Variants in SYN3 observed in about 807,000 individuals in gnomAD.
The protein encoded by SYN3 is synapsin-3.
In SYN3, 35 loss-of-function variants were observed where a neutral mutation model predicts 65.8. The ratio of observed to expected loss-of-function variants is 0.53; its 90% CI spans 0.41 to 0.70. The LOEUF (loss-of-function observed/expected upper bound fraction) is 0.70. Ranked by LOEUF, SYN3 falls within the 30% of genes least tolerant of loss-of-function variation. The pLI is 0.00. For synonymous variants in SYN3, 270 were observed against 292.9 expected (o/e 0.92, Z 0.80); for missense variants, 680 against 749.0 (o/e 0.91, Z 1.08).
intron 6 of SYN3, among the ~76,000 whole-genome samples, chr22:32,694,113 CTCTT>C (rs926520626): frequency 2.6e-5 from 4 of 151,444 alleles, no homozygotes; most frequent in Non-Finnish European, 4.4e-5. Context: ...AATGTTTTCT[CTCTT>C]TCTAATGATT....
intron 12 of SYN3, among the ~76,000 whole-genome samples, chr22:32,520,394 C>T (rs528978887): frequency 6.6e-6 from 1 of 152,114 alleles, no homozygotes; most frequent in African/African-American, 2.4e-5. Flanking sequence ...ACCTTAGCCT[C>T]CCAAAGTGCT....
intron 7 of SYN3, among the ~76,000 whole-genome samples, chr22:32,559,951 G>T (rs1396519041): frequency 6.6e-6 from 1 of 152,240 alleles, no homozygotes; most frequent in Non-Finnish European, 1.5e-5. Context: ...CAAAATGGCG[G>T]AGTGTATGTA....
intron 7 of SYN3, among the ~76,000 whole-genome samples, chr22:32,592,903 C>T (rs186461803): frequency 6.6e-6 from 1 of 152,136 alleles, no homozygotes; most frequent in South Asian, 2.1e-4. Context: ...TATAAAAGAA[C>T]AAAGGAGTGA....
At chr22:32,970,670 A>G (rs1312879392) in intron 3 of SYN3, among the ~76,000 whole-genome samples, 5 of 152,208 alleles carry the variant, frequency 3.3e-5, no homozygotes, top group African/African-American at 1.2e-4. Flanking sequence ...ACTATGCAGG[A>G]ATAAGCCAGA....
chr22:32,717,331 G>A lies in SYN3; in HGVS notation c.712-120595C>T, dbSNP rs1039591161. 5.9e-5 allele frequency among the ~76,000 whole-genome samples: 9 copies of A among 152,316 alleles called. No homozygotes were observed. The South Asian group carries it at 1.2e-3, about 21-fold the overall frequency. On this transcript the variant is annotated intron_variant, in intron 6 of 13. Coordinates refer to ENST00000358763, the MANE Select transcript of SYN3 (RefSeq NM_003490.4). Reference sequence around the variant, plus strand: ...GGTCCCTTGAGTCTCCTGGGTAGATGAAGGCTGGAAGCCCTCAGTGTTTGG... The same window carrying A: ...GGTCCCTTGAGTCTCCTGGGTAGATAAAGGCTGGAAGCCCTCAGTGTTTGG...
chr22:32,573,919 G>A (rs572916232), intron 7 of SYN3, among the ~76,000 whole-genome samples: 13 of 150,528 alleles, frequency 8.6e-5, no homozygotes, highest in African/African-American at 2.9e-4. Flanking sequence ...ACGGGTGCCC[G>A]CTGCCACGCC....
At chr22:32,789,263 A>G (rs904208613) in intron 6 of SYN3, among the ~76,000 whole-genome samples, 4 of 152,182 alleles carry the variant, frequency 2.6e-5, no homozygotes, top group Admixed American at 1.3e-4. Flanking sequence ...CCAGGCCTAG[A>G]AAAAGCACTC....
intron 6 of SYN3, among the ~76,000 whole-genome samples, chr22:32,770,043 C>T (rs1358117716): frequency 6.6e-6 from 1 of 152,346 alleles, no homozygotes; most frequent in South Asian, 2.1e-4. Context: ...GCCCCCCTGA[C>T]TGTTCAATCT....
chr22:32,917,228 T>A (rs2050208451), intron 4 of SYN3, among the ~76,000 whole-genome samples: 1 of 152,034 alleles, frequency 6.6e-6, no homozygotes, highest in South Asian at 2.1e-4. Flanking sequence ...AAACGGGAAG[T>A]CAAGATTTGA....
chr22:32,878,897 T>C (rs2049051446), intron 4 of SYN3, among the ~76,000 whole-genome samples: 1 of 152,132 alleles, frequency 6.6e-6, no homozygotes, highest in African/African-American at 2.4e-5. Context: ...TATGGCCATG[T>C]GGGAATGAGG....
intron 7 of SYN3, among the ~76,000 whole-genome samples, chr22:32,572,354 CTTA>C (rs1336571153): frequency 0.051 from 4,184 of 81,592 alleles, 301 homozygotes; most frequent in African/African-American, 0.18. Context: ...CCTTCCTTCC[CTTA>C]CTTCCCTTCC....
At chr22:32,904,188 C>G in intron 4 of SYN3, among the ~76,000 whole-genome samples, 1 of 152,218 alleles carries the variant, frequency 6.6e-6, no homozygotes, top group Non-Finnish European at 1.5e-5. Context: ...GTATCCCCAT[C>G]TGGACTACAT....
intron 1 of SYN3, among the ~76,000 whole-genome samples, chr22:33,012,080 GGTTTAA>G (rs2053363708): frequency 6.6e-6 from 1 of 151,562 alleles, no homozygotes; most frequent in South Asian, 2.1e-4. Flanking sequence ...CCTTACTTTT[GGTTTAA>G]GTTTAATTTG....
At chr22:32,671,651 G>GCA (rs35884832) in intron 6 of SYN3, among the ~76,000 whole-genome samples, 96,409 of 148,588 alleles carry the variant, frequency 0.65, 31,454 homozygotes, top group African/African-American at 0.76. Flanking sequence ...TCACACAGAT[G>GCA]CACACACGCT....
At chr22:32,878,123 C>A (rs567397723) in intron 4 of SYN3, among the ~76,000 whole-genome samples, 2 of 152,244 alleles carry the variant, frequency 1.3e-5, no homozygotes, top group South Asian at 4.2e-4. Flanking sequence ...GCACAATCAC[C>A]GTGCAACCAG....
At chr22:32,775,779 A>G (rs1387007907) in intron 6 of SYN3, among the ~76,000 whole-genome samples, 2 of 152,216 alleles carry the variant, frequency 1.3e-5, no homozygotes, top group Non-Finnish European at 2.9e-5. Flanking sequence ...ATGATTAACA[A>G]TCATAGCTAC....
chr22:32,982,534 A>G (rs192834929), intron 2 of SYN3, among the ~76,000 whole-genome samples: 56 of 152,308 alleles, frequency 3.7e-4, no homozygotes, highest in African/African-American at 8.4e-4. Flanking sequence ...CTGACCTATG[A>G]TTCATCTCTA....
chr22:32,982,862 A>G (rs1307176749), intron 2 of SYN3, among the ~76,000 whole-genome samples: 1 of 152,120 alleles, frequency 6.6e-6, no homozygotes, highest in African/African-American at 2.4e-5. Flanking sequence ...CACAACCACC[A>G]CCACGAAGTA....
intron 6 of SYN3, among the ~76,000 whole-genome samples, chr22:32,691,218 C>T (rs1466075891): frequency 6.6e-6 from 1 of 152,174 alleles, no homozygotes; most frequent in East Asian, 1.9e-4. Context: ...CTCTGTGGAA[C>T]ATCAACACAG....
Sources: allele counts gnomAD v4.1 joint callset (sites outside exome capture counted in the v4.1 genomes callset), GRCh38; gene constraint gnomAD v4.1.1; transcripts MANE v1.5; gene names NCBI Gene and HGNC (gene_info 2026-07-23, HGNC 2026-07-21).